ZC3H12B: variants seen among roughly 807,000 people sequenced by gnomAD.
ZC3H12B encodes zinc finger CCCH-type containing 12B.
Under a neutral mutation model 43.9 loss-of-function variants are expected in ZC3H12B, and 7 were observed. That is an observed-to-expected ratio of 0.16 (90% CI 0.09 to 0.30). The LOEUF is 0.30. Among genes scored for constraint, ZC3H12B ranks in the 10% least tolerant of loss-of-function variants. The pLI, the probability that ZC3H12B is intolerant of heterozygous loss-of-function variation, is 1.00. For missense variants in ZC3H12B, 475 were observed against 670.2 expected (o/e 0.71, Z 3.22); for synonymous variants, 222 against 241.7 (o/e 0.92, Z 0.76).
upstream of ZC3H12B, among the ~76,000 whole-genome samples, chrX:65,362,516 C>G (rs2066117078): frequency 9.0e-6 from 1 of 110,738 alleles, no homozygotes; most frequent in African/African-American, 3.3e-5. Flanking sequence ...TAGGCTACAG[C>G]CACACCTCAT....
the ZC3H12B span, among the ~76,000 whole-genome samples, chrX:65,195,226 G>A: frequency 2.7e-5 from 3 of 109,656 alleles, no homozygotes; most frequent in East Asian, 5.8e-4. Context: ...GTTGATTTGT[G>A]GTCTTCTTTC....
At chrX:65,194,622 T>A in the ZC3H12B span, among the ~76,000 whole-genome samples, 1 of 112,095 alleles carries the variant, frequency 8.9e-6, no homozygotes, top group Non-Finnish European at 1.9e-5. Flanking sequence ...ATTATCCATG[T>A]GCTGAGGACA....
At chrX:65,199,868 G>C in the ZC3H12B span, among the ~76,000 whole-genome samples, 2 of 108,244 alleles carry the variant, frequency 1.8e-5, no homozygotes, top group Non-Finnish European at 3.8e-5. Flanking sequence ...CATTTAGGTT[G>C]ATTCCATGTC....
chrX:65,134,762 A>G, the ZC3H12B span, among the ~76,000 whole-genome samples: 7 of 111,617 alleles, frequency 6.3e-5, no homozygotes, highest in African/African-American at 2.0e-4. Flanking sequence ...TTGTGTGAGC[A>G]ACAAGGCTGT....
At chrX:65,385,226 A>G (rs2066505084) in intron 2 of ZC3H12B, among the ~76,000 whole-genome samples, 1 of 112,150 alleles carries the variant, frequency 8.9e-6, no homozygotes, top group Admixed American at 9.5e-5. Flanking sequence ...TTGAATCTAT[A>G]AATTACCTTG....
At chrX:65,443,007 C>T (rs1351627365) in intron 3 of ZC3H12B, among the ~76,000 whole-genome samples, 1 of 110,863 alleles carries the variant, frequency 9.0e-6, no homozygotes, top group Non-Finnish European at 1.9e-5. Flanking sequence ...TCATTTTCCT[C>T]AAAATAATAA....
At chrX:65,371,078 CTTAAT>C (rs1406435487) in intron 2 of ZC3H12B, among the ~76,000 whole-genome samples, 1 of 111,530 alleles carries the variant, frequency 9.0e-6, no homozygotes, top group Admixed American at 9.6e-5. Context: ...ATATCCTATT[CTTAAT>C]TTTAATAGAA....
At chrX:65,431,024 C>G in intron 3 of ZC3H12B, among the ~76,000 whole-genome samples, 1 of 112,326 alleles carries the variant, frequency 8.9e-6, no homozygotes, top group Non-Finnish European at 1.9e-5. Flanking sequence ...CCAACTCCCC[C>G]CATTCCTCTG....
chrX:65,441,285 G>A (rs754478742), intron 3 of ZC3H12B, among the ~76,000 whole-genome samples: 5 of 112,031 alleles, frequency 4.5e-5, no homozygotes, highest in African/African-American at 1.3e-4. Flanking sequence ...ATGCTTCAGC[G>A]GCTTTACCAA....
chrX:65,043,965 G>A, the ZC3H12B span, among the ~76,000 whole-genome samples: 1 of 111,678 alleles, frequency 9.0e-6, no homozygotes, highest in African/African-American at 3.3e-5. Context: ...TACATGCACA[G>A]CCCTGTTTTA....
the ZC3H12B span, among the ~76,000 whole-genome samples, chrX:65,305,966 A>G: frequency 0.011 from 1,225 of 112,083 alleles, 17 homozygotes; most frequent in African/African-American, 0.037. Flanking sequence ...ACTGCCAGTA[A>G]AAAGCATACA....
At chrX:65,501,984 G>A (rs747371130) in exon 5 of ZC3H12B, 7 of 1,208,350 alleles carry the variant, frequency 5.8e-6, no homozygotes, top group South Asian at 3.5e-5. Context: ...GAGGTCAAAC[G>A]TGTGGCCCCC....
At position 65,441,878 on chromosome X, in the gene ZC3H12B, G is replaced by A. The variant is rs758886504; in HGVS notation, n.407+43174G>A. ...CCTGAGCCAGAAATGCCCCAGTTTA[G>A]AACGGGGCCCGGGACGGGCCCCTCA... On this transcript the variant is annotated intron_variant and non_coding_transcript_variant, in intron 3 of 5. Transcript: ENST00000617377. Among the ~76,000 whole-genome samples the A allele has an allele frequency of 5.4e-5, 6 of 110,630 alleles. No homozygotes were observed. In the South Asian group the frequency reaches 2.3e-3, roughly 43 times the overall value.
chrX:65,191,649 C>G, the ZC3H12B span, among the ~76,000 whole-genome samples: 2 of 9,711 alleles, frequency 2.1e-4, no homozygotes, highest in Admixed American at 2.4e-3. Context: ...GGTGATATCC[C>G]CTTTATAATT....
At chrX:65,107,765 G>C in the ZC3H12B span, among the ~76,000 whole-genome samples, 2 of 110,996 alleles carry the variant, frequency 1.8e-5, no homozygotes, top group African/African-American at 3.3e-5. Flanking sequence ...TGAAGGACAT[G>C]TTTGCCTCCT....
the ZC3H12B span, among the ~76,000 whole-genome samples, chrX:65,252,011 G>A: frequency 4.5e-5 from 5 of 111,755 alleles, no homozygotes; most frequent in Non-Finnish European, 9.4e-5. Context: ...CCTGTCTTAT[G>A]CCAGTTTTCA....
At chrX:65,393,464 G>A (rs1436239476) in intron 2 of ZC3H12B, among the ~76,000 whole-genome samples, 2 of 109,947 alleles carry the variant, frequency 1.8e-5, no homozygotes, top group African/African-American at 3.3e-5. Flanking sequence ...CACAACCCCC[G>A]AAAGGCCCTA....
intron 1 of ZC3H12B, among the ~76,000 whole-genome samples, chrX:65,367,427 G>C (rs1031623991): frequency 9.0e-6 from 1 of 111,520 alleles, no homozygotes; most frequent in African/African-American, 3.3e-5. Flanking sequence ...TCTTGAACAT[G>C]TCGCACATCT....
chrX:65,065,278 A>G, the ZC3H12B span, among the ~76,000 whole-genome samples: 10 of 111,672 alleles, frequency 9.0e-5, no homozygotes, highest in Admixed American at 5.7e-4. Flanking sequence ...AGTGACTGGT[A>G]CCAGTTTTTC....
Sources: gnomAD v4.1 joint callset for allele counts (sites outside exome capture counted in the v4.1 genomes callset) on GRCh38, gnomAD v4.1.1 for gene constraint, MANE v1.5 for transcripts, NCBI Gene and HGNC (gene_info 2026-07-23, HGNC 2026-07-21) for gene names.